DDHD1: variants seen among roughly 807,000 people sequenced by gnomAD.
DDHD1 encodes DDHD domain containing 1, also known as phospholipase DDHD1.
DDHD1 carries 49 observed loss-of-function variants against 96.4 expected under a neutral mutation model. That is an observed-to-expected ratio of 0.51 (90% CI 0.40 to 0.64). The LOEUF (loss-of-function observed/expected upper bound fraction) is 0.64. DDHD1 is among the 30% of genes least tolerant of loss of function. DDHD1 has a pLI of 0.00. For missense variants in DDHD1, 1,106 were observed against 1,161.2 expected (o/e 0.95, Z 0.69); for synonymous variants, 442 against 446.5 (o/e 0.99, Z 0.13).
At chr14:53,121,896 C>T (rs531628663) in intron 1 of DDHD1, among the ~76,000 whole-genome samples, 11 of 144,294 alleles carry the variant, frequency 7.6e-5, no homozygotes, top group African/African-American at 2.8e-4. Flanking sequence ...CAAACCTGCA[C>T]GTTCTGCGCA....
chr14:53,094,764 A>T (rs1165580425), intron 2 of DDHD1, among the ~76,000 whole-genome samples: 1 of 152,056 alleles, frequency 6.6e-6, no homozygotes, highest in Non-Finnish European at 1.5e-5. Flanking sequence ...GGATCGCTTA[A>T]GCCCAGGAGG....
At chr14:53,053,713 A>G (rs1317266237) in intron 11 of DDHD1, 3 of 152,190 alleles carry the variant, frequency 2.0e-5, no homozygotes, top group Non-Finnish European at 4.4e-5. Flanking sequence ...ATATTTCATT[A>G]TAGGTGTCAA....
In DDHD1 at chr14:53,065,106, G is replaced by A. The variant is rs372123007; in HGVS notation, c.1504-1901C>T. 2.0e-4 allele frequency among the ~76,000 whole-genome samples: 30 copies of A among 152,218 alleles called. No individual in the cohort carries two copies. In the East Asian group the frequency reaches 4.4e-3, roughly 22 times the overall value. Reference sequence around the variant, plus strand: ...ATCAACTCAACGAACCTCTTACACAGTAAGCACTGGATAGCTTTTCAAAAG... The same window carrying A: ...ATCAACTCAACGAACCTCTTACACAATAAGCACTGGATAGCTTTTCAAAAG... On this transcript the variant is annotated intron_variant, in intron 6 of 12. Coordinates refer to ENST00000673822, the MANE Select transcript of DDHD1 (RefSeq NM_001160148.2).
chr14:53,113,222 C>T lies in DDHD1; in HGVS notation c.839-9366G>A, dbSNP rs144140657. Reference sequence around the variant, plus strand: ...ACCTCAAGTGATCTGCCTGCTTCGGCCTCCCAAAGTGCTGGGATTACAGGC... The same window carrying T: ...ACCTCAAGTGATCTGCCTGCTTCGGTCTCCCAAAGTGCTGGGATTACAGGC... On this transcript the variant is annotated intron_variant, in intron 1 of 12. Coordinates refer to ENST00000673822, the MANE Select transcript of DDHD1 (RefSeq NM_001160148.2). 5.7e-4 allele frequency among the ~76,000 whole-genome samples: 87 copies of T among 152,014 alleles called. 4 individuals are homozygous for T. The East Asian group carries it at 0.016, about 29-fold the overall frequency.
chr14:53,064,867 C>G (rs1050759064), intron 6 of DDHD1, among the ~76,000 whole-genome samples: 7 of 152,224 alleles, frequency 4.6e-5, no homozygotes, highest in African/African-American at 1.4e-4. Flanking sequence ...ATCCGCTCAT[C>G]AGTGAAAGGA....
rs1263116884 is a variant in DDHD1 at position 53,153,144 on chromosome 14, C to A, written c.-46G>T. ...TGTCCGGCGGCGCGCGGAGCCGTGACCCCCAGCGCTTCCGCCACACATTCA... is the reference window on the plus strand; with the variant it reads ...TGTCCGGCGGCGCGCGGAGCCGTGAACCCCAGCGCTTCCGCCACACATTCA... On this transcript the variant is annotated 5_prime_UTR_variant, in exon 1 of 13. Coordinates refer to ENST00000673822, the MANE Select transcript of DDHD1 (RefSeq NM_001160148.2). The A allele has an allele frequency of 6.7e-6, 9 of 1,336,330 alleles. No individual in the cohort carries two copies. The highest frequency in any genetic ancestry group is 8.6e-6 in the Non-Finnish European group (9 of 1,044,288). The allele number at this position is 1,336,330 out of a possible 1,614,324, so 82.8% of individuals were successfully genotyped here.
intron 1 of DDHD1, among the ~76,000 whole-genome samples, chr14:53,139,081 A>C (rs998699497): frequency 3.5e-3 from 263 of 74,470 alleles, no homozygotes; most frequent in Middle Eastern, 7.8e-3. Flanking sequence ...GAGAGAAAAA[A>C]AAAAAAAAAC....
At chr14:53,102,497 A>C (rs1383928272) in intron 2 of DDHD1, among the ~76,000 whole-genome samples, 1 of 152,096 alleles carries the variant, frequency 6.6e-6, no homozygotes, top group Non-Finnish European at 1.5e-5. Context: ...AACTATTATT[A>C]TATAAATTTG....
At chr14:53,060,979 T>C in intron 8 of DDHD1, 147 bp downstream of exon 8, 1 of 710,184 alleles carries the variant, frequency 1.4e-6, no homozygotes, top group Non-Finnish European at 2.3e-6. Flanking sequence ...CAACCAGAAA[T>C]GGCAGTGTCC....
chr14:53,130,341 C>T (rs1889774003), intron 1 of DDHD1, among the ~76,000 whole-genome samples: 2 of 152,154 alleles, frequency 1.3e-5, no homozygotes, highest in African/African-American at 4.8e-5. Context: ...AATCAGTTAG[C>T]ATTTGGACTT....
intron 1 of DDHD1, among the ~76,000 whole-genome samples, chr14:53,120,563 G>A (rs1888908018): frequency 6.6e-6 from 1 of 152,148 alleles, no homozygotes; most frequent in Non-Finnish European, 1.5e-5. Flanking sequence ...CAAGGCTACA[G>A]TAACCAAAAC....
intron 7 of DDHD1, chr14:53,061,450 TGA>T: frequency 2.8e-6 from 1 of 355,304 alleles, no homozygotes. Context: ...TAGTAAAATG[TGA>T]GTCATATACA....
chr14:53,121,001 A>T (rs1034192539), intron 1 of DDHD1, among the ~76,000 whole-genome samples: 1 of 152,224 alleles, frequency 6.6e-6, no homozygotes, highest in Admixed American at 6.5e-5. Flanking sequence ...CAGAGTGAAC[A>T]GGCAACCTAC....
chr14:53,038,478 A>G lies in DDHD1; in HGVS notation c.*8290T>C, dbSNP rs1464993257. On this transcript the variant is annotated 3_prime_UTR_variant, in exon 13 of 13. Coordinates refer to ENST00000673822, the MANE Select transcript of DDHD1 (RefSeq NM_001160148.2). Reference sequence around the variant, plus strand: ...CTAACCAAGGAGGTGAAAGATCTCTACAAGGAGAACTACAAAACATGGCAG... The same window carrying G: ...CTAACCAAGGAGGTGAAAGATCTCTGCAAGGAGAACTACAAAACATGGCAG... 2 of 152,186 alleles carry G rather than the reference A, an allele frequency of 1.3e-5. No homozygotes were observed. The highest frequency in any genetic ancestry group is 4.8e-5 in the African/African-American group (2 of 41,444). 9.4% of individuals were successfully genotyped at this position (152,186 alleles called of 1,614,324 possible).
In DDHD1 at chr14:53,093,300, A is replaced by G. The variant is rs925560191; in HGVS notation, c.1141+16T>C. ...TCCCAAAATTTTGATAAGCTCTAGT[A>G]ATATTTAACAATTACCTTTAGAAAA... is the stretch of plus-strand genomic sequence containing the variant. On this transcript the variant is annotated intron_variant, in intron 3 of 12. Transcript: ENST00000673822. 6.3e-7 allele frequency: 1 copy of G among 1,599,892 alleles called. No homozygotes were observed. Among genetic ancestry groups the G allele is most frequent in the Non-Finnish European group, 8.5e-7 (1 of 1,176,512 alleles).
intron 4 of DDHD1, among the ~76,000 whole-genome samples, chr14:53,080,769 G>T (rs1222321830): frequency 1.6e-5 from 2 of 125,796 alleles, no homozygotes. Context: ...TGCCCCAGCT[G>T]AAGTGCAGTG....
At chr14:53,068,243 C>CTTTTTTTTTTTT (rs55662153) in intron 6 of DDHD1, among the ~76,000 whole-genome samples, 5 of 104,470 alleles carry the variant, frequency 4.8e-5, no homozygotes, top group Non-Finnish European at 5.3e-5. Flanking sequence ...CTTTATGATA[C>CTTTTTTTTTTTT]TTTTTTTTTT....
At chr14:53,151,161 G>A (rs1323920151) in intron 1 of DDHD1, among the ~76,000 whole-genome samples, 1 of 151,450 alleles carries the variant, frequency 6.6e-6, no homozygotes, top group Non-Finnish European at 1.5e-5. Context: ...TAAAGGTGAC[G>A]GGCTCTGCCG....
chr14:53,110,143 A>G (rs901307171), intron 1 of DDHD1, among the ~76,000 whole-genome samples: 2 of 152,244 alleles, frequency 1.3e-5, no homozygotes, highest in Non-Finnish European at 2.9e-5. Context: ...AGTACTTCTT[A>G]CAACTGGACA....
Sources: allele counts gnomAD v4.1 joint callset (sites outside exome capture counted in the v4.1 genomes callset), GRCh38; gene constraint gnomAD v4.1.1; transcripts MANE v1.5; gene names NCBI Gene and HGNC (gene_info 2026-07-23, HGNC 2026-07-21).